Variants in CAPN7 observed in about 807,000 individuals in gnomAD.
CAPN7 encodes the protein calpain-7.
In CAPN7, 72 loss-of-function variants were observed where a neutral mutation model predicts 115.2. The ratio of observed to expected loss-of-function variants is 0.63; its 90% CI spans 0.52 to 0.76. The LOEUF is 0.76. CAPN7 is among the 30% of genes least tolerant of loss of function. The pLI, the probability that CAPN7 is intolerant of heterozygous loss-of-function variation, is 0.00. For synonymous variants in CAPN7, 344 were observed against 322.3 expected, an observed-to-expected ratio of 1.07 and a Z score of -0.72; for missense variants, 905 against 971.5, an observed-to-expected ratio of 0.93 and a Z score of 0.91.
chr3:15,220,955 C>T lies in CAPN7; in HGVS notation c.612C>T (p.Tyr204=), dbSNP rs771397243. 6.2e-7 allele frequency: 1 copy of T among 1,613,802 alleles called. No individual in the cohort carries two copies. The highest frequency in any genetic ancestry group is 8.5e-7 in the Non-Finnish European group (1 of 1,179,750). The change falls in exon 5 of 21, where the codon TAC becomes TAT. Residue 204 remains tyrosine (Y), a synonymous_variant. Transcript: ENST00000253693. ...CATGTGATGCACAAGGACAGAGATA[C>T]ACAGCAGAAGAAATAGAAGTACTCA... The part of the protein sequence containing the change: ...PQSCDAQGQR[Y]TAEEIEVLRT...
chr3:15,225,330 G>T (rs889653584), intron 6 of CAPN7, among the ~76,000 whole-genome samples: 11 of 152,132 alleles, frequency 7.2e-5, no homozygotes, highest in Non-Finnish European at 1.0e-4. Context: ...GTACGAAAGC[G>T]ATTTATCATT....
At chr3:15,248,867 C>G (rs888263315) in intron 19 of CAPN7, among the ~76,000 whole-genome samples, 2 of 151,730 alleles carry the variant, frequency 1.3e-5, no homozygotes, top group African/African-American at 2.4e-5. Context: ...GTGGCATGTG[C>G]TTTGTATAGT....
chr3:15,233,810 G>T, intron 10 of CAPN7, 57 bp from the exon 11 acceptor site: 1 of 889,758 alleles, frequency 1.1e-6, no homozygotes. Context: ...TAGCTGCTCT[G>T]GGGATTTAAG....
chr3:15,234,943 A>G (rs1559403372), intron 11 of CAPN7, 82 bp from the exon 12 acceptor site: 2 of 1,310,308 alleles, frequency 1.5e-6, no homozygotes, highest in Non-Finnish European at 2.1e-6. Context: ...CATGTAAGCC[A>G]TTAGACTAAA....
At position 15,220,804 on chromosome 3, in the gene CAPN7, T is replaced by G; in HGVS notation, c.461T>G (p.Leu154Trp). The G allele has an allele frequency of 6.2e-7, 1 of 1,614,204 alleles. No individual in the cohort carries two copies. Among genetic ancestry groups the G allele is most frequent in the Non-Finnish European group, 8.5e-7 (1 of 1,180,038 alleles). The part of the protein sequence containing the change: ...LDRAEALSEP[L>W]TKPVGKISST... ...AGAGCAGAAGCGCTGAGTGAGCCTT[T>G]GACCAAGCCAGTTGGCAAAATCAGT... Residue 154 changes from leucine to tryptophan, a missense_variant, in exon 5 of 21, where the codon TTG (leucine) becomes TGG (tryptophan). Around this residue, in one of 3 missense-constraint regions of CAPN7, gnomAD observed 271 missense variants for 239.6 expected, o/e 1.13. Coordinates refer to ENST00000253693, the MANE Select transcript of CAPN7 (RefSeq NM_014296.3).
intron 14 of CAPN7, among the ~76,000 whole-genome samples, chr3:15,241,114 C>T (rs930959670): frequency 6.6e-6 from 1 of 152,124 alleles, no homozygotes; most frequent in African/African-American, 2.4e-5. Flanking sequence ...CTGAGGTCAG[C>T]AGATCGCTCA....
chr3:15,239,264 T>C (rs927863912), intron 12 of CAPN7, among the ~76,000 whole-genome samples: 1 of 152,184 alleles, frequency 6.6e-6, no homozygotes, highest in African/African-American at 2.4e-5. Context: ...AAGGAATGTG[T>C]TGTTGTGGTT....
At chr3:15,247,213 G>A (rs1169275659) in intron 18 of CAPN7, 114 bp from the exon 19 acceptor site, 3 of 752,456 alleles carry the variant, frequency 4.0e-6, no homozygotes, top group Non-Finnish European at 6.2e-6. Context: ...AGAGGGGTTG[G>A]AGACACAGAG....
At chr3:15,248,291 C>T (rs1695792416) in intron 19 of CAPN7, among the ~76,000 whole-genome samples, 1 of 152,174 alleles carries the variant, frequency 6.6e-6, no homozygotes, top group Middle Eastern at 3.4e-3. Flanking sequence ...TATTCATTGA[C>T]AACATTTAAG....
At chr3:15,212,939 C>T (rs1421986088) in intron 2 of CAPN7, among the ~76,000 whole-genome samples, 2 of 152,102 alleles carry the variant, frequency 1.3e-5, no homozygotes, top group Non-Finnish European at 2.9e-5. Context: ...TGAGTAGATA[C>T]GAGCAATTAC....
intron 2 of CAPN7, among the ~76,000 whole-genome samples, chr3:15,215,340 C>T (rs763904498): frequency 2.6e-5 from 4 of 152,152 alleles, no homozygotes; most frequent in Admixed American, 6.5e-5. Context: ...GCAAGTTTAG[C>T]GAGATACAAT....
At chr3:15,237,308 A>G (rs1263056148) in intron 12 of CAPN7, among the ~76,000 whole-genome samples, 3 of 152,090 alleles carry the variant, frequency 2.0e-5, no homozygotes, top group African/African-American at 4.8e-5. Flanking sequence ...CTAGGCCCAC[A>G]TGGGGGCAGG....
intron 12 of CAPN7, among the ~76,000 whole-genome samples, chr3:15,236,958 G>T (rs1384643777): frequency 2.6e-5 from 4 of 152,168 alleles, no homozygotes; most frequent in African/African-American, 9.7e-5. Flanking sequence ...TGCTAGACAT[G>T]TAGACTTTAT....
chr3:15,220,189 A>G (rs1474013787), intron 4 of CAPN7, among the ~76,000 whole-genome samples: 2 of 152,012 alleles, frequency 1.3e-5, no homozygotes, highest in Admixed American at 6.6e-5. Flanking sequence ...AACAGAGTGA[A>G]ACGCCGTCTC....
intron 1 of CAPN7, among the ~76,000 whole-genome samples, chr3:15,207,214 CAGT>C (rs2044678255): frequency 6.6e-6 from 1 of 152,084 alleles, no homozygotes; most frequent in Non-Finnish European, 1.5e-5. Flanking sequence ...TTGCTGTACT[CAGT>C]GGTGTGTGCA....
rs773633873 is a variant in CAPN7, at chr3:15,220,825, T to G, written c.482T>G (p.Ile161Ser). Reference protein sequence around the residue: ...SEPLTKPVGKISSTSVKPKPP... With the variant: ...SEPLTKPVGKSSSTSVKPKPP... Reference sequence around the variant, plus strand: ...CCTTTGACCAAGCCAGTTGGCAAAATCAGTTCAACAAGTGTTAAGCCAAAG... The same window carrying G: ...CCTTTGACCAAGCCAGTTGGCAAAAGCAGTTCAACAAGTGTTAAGCCAAAG... The change falls in exon 5 of 21, where the codon ATC becomes AGC. Residue 161 changes from isoleucine to serine, a missense_variant. Ile to Ser is a moderately radical substitution (Grantham distance 142). Around this residue, in one of 3 missense-constraint regions of CAPN7, gnomAD observed 271 missense variants for 239.6 expected, o/e 1.13. Coordinates refer to ENST00000253693, the MANE Select transcript of CAPN7 (RefSeq NM_014296.3). The G allele has an allele frequency of 6.2e-7, 1 of 1,614,160 alleles. No homozygotes were observed. Among genetic ancestry groups the G allele is most frequent in the South Asian group, 1.1e-5 (1 of 91,080 alleles).
At chr3:15,208,254 T>C (rs1275420208) in intron 1 of CAPN7, among the ~76,000 whole-genome samples, 1 of 151,372 alleles carries the variant, frequency 6.6e-6, no homozygotes, top group Non-Finnish European at 1.5e-5. Context: ...TTTTTAGTAA[T>C]AGCTGCACAG....
At chr3:15,215,412 A>G (rs1196267466) in intron 2 of CAPN7, among the ~76,000 whole-genome samples, 1 of 152,234 alleles carries the variant, frequency 6.6e-6, no homozygotes, top group African/African-American at 2.4e-5. Context: ...GCCTATTCCC[A>G]GAGTTGTGCA....
In CAPN7 at chr3:15,220,772, C is replaced by G; in HGVS notation, c.438-9C>G. On this transcript the variant is annotated splice_polypyrimidine_tract_variant and intron_variant, in intron 4 of 20. Coordinates refer to ENST00000253693, the MANE Select transcript of CAPN7 (RefSeq NM_014296.3). ...AACTAGAACAGTTGTTTGTTCCTCT[C>G]TGTTATAGAGCAGAAGCGCTGAGTG... 1 of 1,613,642 alleles carries G rather than the reference C, an allele frequency of 6.2e-7. No homozygotes were observed. The highest frequency in any genetic ancestry group is 8.5e-7 in the Non-Finnish European group (1 of 1,179,590).
Sources: allele counts gnomAD v4.1 joint callset (sites outside exome capture counted in the v4.1 genomes callset), GRCh38; gene constraint gnomAD v4.1.1; regional missense constraint gnomAD v4.1.1; transcripts MANE v1.5; gene names NCBI Gene and HGNC (gene_info 2026-07-23, HGNC 2026-07-21).